MACF1: variants seen among roughly 807,000 people sequenced by gnomAD.
MACF1 encodes microtubule-actin cross-linking factor 1.
In MACF1, 193 loss-of-function variants were observed where a neutral mutation model predicts 854.8. The ratio of observed to expected loss-of-function variants is 0.23; its 90% CI spans 0.20 to 0.25. The LOEUF (loss-of-function observed/expected upper bound fraction) is 0.25, where lower values mean the gene tolerates loss of function less well. Among genes scored for constraint, MACF1 ranks in the 10% least tolerant of loss-of-function variants. MACF1 has a pLI of 1.00. For missense variants in MACF1, 7,722 were observed against 8,929.1 expected, an observed-to-expected ratio of 0.86 and a Z score of 5.45; for synonymous variants, 3,185 against 3,226.7, an observed-to-expected ratio of 0.99 and a Z score of 0.44.
intron 49 of MACF1, among the ~76,000 whole-genome samples, chr1:39,367,755 A>G (rs894858444): frequency 6.6e-6 from 1 of 152,162 alleles, no homozygotes; most frequent in African/African-American, 2.4e-5. Context: ...GCCACTCTCC[A>G]GTGGATTGAA....
chr1:39,168,680 A>G (rs1643907023), intron 2 of MACF1, among the ~76,000 whole-genome samples: 1 of 152,120 alleles, frequency 6.6e-6, no homozygotes, highest in Admixed American at 6.6e-5. Flanking sequence ...GGGGCAAGTT[A>G]CTCACTTTTC....
intron 95 of MACF1, 145 bp downstream of exon 95, chr1:39,465,257 A>C: frequency 1.3e-6 from 1 of 796,936 alleles, no homozygotes; most frequent in Non-Finnish European, 2.2e-6. Context: ...GAAACTGTTG[A>C]TGGGGCCAGC....
intron 1 of MACF1, among the ~76,000 whole-genome samples, chr1:39,213,331 A>AT (rs1038742298): frequency 6.6e-6 from 1 of 151,928 alleles, no homozygotes; most frequent in Non-Finnish European, 1.5e-5. Context: ...CAGATAATTT[A>AT]TTTTTTTATT....
At chr1:39,294,564 A>T (rs1040176724) in intron 18 of MACF1, among the ~76,000 whole-genome samples, 2 of 152,240 alleles carry the variant, frequency 1.3e-5, no homozygotes, top group African/African-American at 4.8e-5. Context: ...GATATAAAGA[A>T]AGTGCTCTGA....
intron 83 of MACF1, 132 bp downstream of exon 83, chr1:39,448,284 C>A: frequency 9.5e-7 from 1 of 1,054,606 alleles, no homozygotes; most frequent in Middle Eastern, 3.1e-4. Context: ...ATGATGAAGC[C>A]AGGGTTCCAT....
intron 70 of MACF1, among the ~76,000 whole-genome samples, chr1:39,436,806 A>G (rs925540435): frequency 5.3e-5 from 8 of 152,212 alleles, no homozygotes; most frequent in African/African-American, 1.9e-4. Flanking sequence ...TCCTCTCTGC[A>G]TCAAATTTTA....
intron 26 of MACF1, among the ~76,000 whole-genome samples, 192 bp from the exon 27 acceptor site, chr1:39,315,321 C>T (rs1382106047): frequency 6.6e-6 from 1 of 152,206 alleles, no homozygotes; most frequent in Non-Finnish European, 1.5e-5. Context: ...ACTTAATTCA[C>T]AGAAATCTTT....
At chr1:39,292,085 C>T (rs781670251) in intron 16 of MACF1, 47 bp downstream of exon 16, 69 of 1,605,138 alleles carry the variant, frequency 4.3e-5, no homozygotes, top group East Asian at 1.6e-4. Flanking sequence ...GTGGTTGGAA[C>T]GGATGAAAGG....
intron 31 of MACF1, among the ~76,000 whole-genome samples, chr1:39,320,128 C>G (rs575822097): frequency 6.6e-6 from 1 of 152,306 alleles, no homozygotes; most frequent in Non-Finnish European, 1.5e-5. Flanking sequence ...AAACTGTTCT[C>G]TTTGCCTTAA....
intron 1 of MACF1, among the ~76,000 whole-genome samples, chr1:39,217,965 C>T (rs1021000602): frequency 2.6e-5 from 4 of 151,306 alleles, no homozygotes; most frequent in Non-Finnish European, 5.9e-5. Flanking sequence ...GGGCGGATCA[C>T]GAGGTCAGGA....
chr1:39,393,143 G>A (rs1015862984), intron 58 of MACF1, among the ~76,000 whole-genome samples: 1 of 141,718 alleles, frequency 7.1e-6, no homozygotes. Flanking sequence ...TGAAACTTGA[G>A]CCAAAGAATT....
intron 97 of MACF1, among the ~76,000 whole-genome samples, chr1:39,477,079 A>ACACACACATATATACACTTAGTG (rs1267820932): frequency 6.6e-5 from 1 of 15,142 alleles, no homozygotes; most frequent in African/African-American, 2.1e-4. Context: ...ATATATATAT[A>ACACACACATATATACACTTAGTG]TATATATATA....
At chr1:39,268,380 A>G in intron 6 of MACF1, 5 of 919,826 alleles carry the variant, frequency 5.4e-6, no homozygotes, top group Non-Finnish European at 6.6e-6. Flanking sequence ...CAGTGCTCCA[A>G]TTACCTCATA....
At chr1:39,231,368 G>T in intron 2 of MACF1, 125 bp downstream of exon 2, 1 of 852,880 alleles carries the variant, frequency 1.2e-6, no homozygotes, top group South Asian at 1.5e-5. Flanking sequence ...ATACACATGT[G>T]ACTTTTCTTT....
rs1276533080 is a variant in MACF1 at position 39,385,837 on chromosome 1, C to T, written c.14252C>T (p.Ser4751Leu). 21 of 1,614,152 alleles carry T rather than the reference C, an allele frequency of 1.3e-5. No homozygotes were observed. The highest frequency in any genetic ancestry group is 1.8e-5 in the Non-Finnish European group (21 of 1,180,040). ...GCTCAGACACTGTGCGATGAACTCTCAGTGCTCATTGGTGAGCAGTACCTC... is the reference window on the plus strand; with the variant it reads ...GCTCAGACACTGTGCGATGAACTCTTAGTGCTCATTGGTGAGCAGTACCTC... ...KEAQTLCDEL[S>L]VLIGEQYLKD... Residue 4751 changes from serine (S) to leucine (L), a missense_variant, in exon 57 of 101, where the codon TCA becomes TTA. Coordinates refer to ENST00000564288, the MANE Select transcript of MACF1 (RefSeq NM_001394062.1).
chr1:39,251,872 T>C lies in MACF1; in HGVS notation c.288T>C (p.Arg96=), dbSNP rs1243339153. 1 of 1,509,356 alleles carries C rather than the reference T, an allele frequency of 6.6e-7. No individual in the cohort carries two copies. The highest frequency in any genetic ancestry group is 2.1e-5 in the Admixed American group (1 of 48,340). The allele number at this position is 1,509,356 out of a possible 1,614,324, so 93.5% of individuals were successfully genotyped here. A position where few individuals can be genotyped will look rare whatever the true frequency, so the allele number is the denominator to read the frequency against. The change falls in exon 4 of 101, where the codon CGT becomes CGC. Residue 96 remains arginine, a synonymous_variant. Coordinates refer to ENST00000564288, the MANE Select transcript of MACF1 (RefSeq NM_001394062.1). Reference sequence around the variant, plus strand: ...AGCCAGCAGGGCTGAAGACCCTCCGTCTGGTGAGCATGCCCTCCTGGTGCC... The same window carrying C: ...AGCCAGCAGGGCTGAAGACCCTCCGCCTGGTGAGCATGCCCTCCTGGTGCC... The part of the protein sequence containing the change: ...KLEPAGLKTL[R]LVSMPSWCHT...
intron 2 of MACF1, among the ~76,000 whole-genome samples, chr1:39,085,709 T>C (rs1641656805): frequency 6.6e-6 from 1 of 152,170 alleles, no homozygotes; most frequent in African/African-American, 2.4e-5. Flanking sequence ...ATTCTATTAC[T>C]CGGCTGCTTA....
intron 44 of MACF1, among the ~76,000 whole-genome samples, chr1:39,355,339 G>C (rs1157527451): frequency 6.6e-6 from 1 of 152,058 alleles, no homozygotes; most frequent in Non-Finnish European, 1.5e-5. Context: ...AGGTAGATGA[G>C]TTGGAAGGTG....
At chr1:39,445,409 G>C (rs960620900) in intron 80 of MACF1, among the ~76,000 whole-genome samples, 1 of 152,180 alleles carries the variant, frequency 6.6e-6, no homozygotes, top group Non-Finnish European at 1.5e-5. Context: ...CTCAGATCAA[G>C]TATGAAATAT....
Sources: allele counts gnomAD v4.1 joint callset (sites outside exome capture counted in the v4.1 genomes callset), GRCh38; gene constraint gnomAD v4.1.1; transcripts MANE v1.5; gene names NCBI Gene and HGNC (gene_info 2026-07-23, HGNC 2026-07-21).